The following KIAA1328 variants were observed in gnomAD, a reference collection of about 807,000 sequenced individuals.
KIAA1328 encodes KIAA1328.
A neutral mutation model predicts 68.1 loss-of-function variants in KIAA1328; 52 were observed. That is an observed-to-expected ratio of 0.76 (90% CI 0.61 to 0.96). KIAA1328 has a LOEUF of 0.96. Ranked by LOEUF, KIAA1328 falls within the 40% of genes least tolerant of loss-of-function variation. The pLI, the probability that KIAA1328 is intolerant of heterozygous loss-of-function variation, is 0.00. For synonymous variants in KIAA1328, 232 were observed against 239.4 expected, an observed-to-expected ratio of 0.97 and a Z score of 0.28; for missense variants, 641 against 677.6, an observed-to-expected ratio of 0.95 and a Z score of 0.60.
chr18:37,029,679 G>C (rs1568312990), intron 6 of KIAA1328, among the ~76,000 whole-genome samples: 1 of 152,178 alleles, frequency 6.6e-6, no homozygotes, highest in African/African-American at 2.4e-5. Context: ...ATATTAATCT[G>C]TAGTTCTGTT....
At chr18:37,059,833 T>A (rs565921135) in intron 6 of KIAA1328, among the ~76,000 whole-genome samples, 5 of 152,134 alleles carry the variant, frequency 3.3e-5, no homozygotes, top group Non-Finnish European at 7.3e-5. Context: ...ATGTGGCACA[T>A]ATACACCATG....
chr18:36,956,313 C>G (rs911848719), intron 5 of KIAA1328, among the ~76,000 whole-genome samples: 2 of 152,190 alleles, frequency 1.3e-5, no homozygotes, highest in African/African-American at 4.8e-5. Context: ...GTTAGGCAGA[C>G]TACAGTGTCT....
At chr18:37,032,589 A>G (rs1360066000) in intron 6 of KIAA1328, among the ~76,000 whole-genome samples, 1 of 150,646 alleles carries the variant, frequency 6.6e-6, no homozygotes, top group African/African-American at 2.4e-5. Flanking sequence ...TTTTGCTTCT[A>G]TTCATCACTT....
At chr18:36,892,141 A>G (rs777823834) in intron 5 of KIAA1328, among the ~76,000 whole-genome samples, 1 of 152,022 alleles carries the variant, frequency 6.6e-6, no homozygotes, top group Admixed American at 6.6e-5. Flanking sequence ...TAGACTTTTA[A>G]CAAGGATAGG....
chr18:36,861,186 AC>A (rs2150888089), intron 4 of KIAA1328, among the ~76,000 whole-genome samples: 1 of 152,184 alleles, frequency 6.6e-6, no homozygotes, highest in East Asian at 1.9e-4. Flanking sequence ...AAGTCTTGAC[AC>A]TTTTGAAGAG....
intron 4 of KIAA1328, among the ~76,000 whole-genome samples, chr18:36,881,975 T>C (rs1204269276): frequency 6.6e-6 from 1 of 152,202 alleles, no homozygotes; most frequent in African/African-American, 2.4e-5. Context: ...GTAGAATTGC[T>C]GGGTTGTATG....
chr18:36,863,941 C>T (rs1395731496), intron 4 of KIAA1328, among the ~76,000 whole-genome samples: 1 of 152,122 alleles, frequency 6.6e-6, no homozygotes, highest in Non-Finnish European at 1.5e-5. Context: ...TGTAGACTAT[C>T]ATGTCATTTG....
chr18:36,858,001 A>G (rs2047438063), intron 4 of KIAA1328, among the ~76,000 whole-genome samples: 1 of 152,128 alleles, frequency 6.6e-6, no homozygotes, highest in South Asian at 2.1e-4. Context: ...ATGGTTGCCA[A>G]TTAAGTCAAG....
At chr18:36,869,699 A>T (rs1278844417) in intron 4 of KIAA1328, among the ~76,000 whole-genome samples, 1 of 152,200 alleles carries the variant, frequency 6.6e-6, no homozygotes, top group African/African-American at 2.4e-5. Flanking sequence ...ACCTGAAATG[A>T]ACAGAAGAAA....
chr18:37,140,436 C>T (rs1437854070), intron 7 of KIAA1328, among the ~76,000 whole-genome samples: 3 of 151,946 alleles, frequency 2.0e-5, no homozygotes, highest in African/African-American at 7.3e-5. Flanking sequence ...TTAAAATTTG[C>T]CATTAAAGCT....
intron 9 of KIAA1328, among the ~76,000 whole-genome samples, chr18:37,219,593 T>C (rs2060517009): frequency 6.6e-6 from 1 of 152,200 alleles, no homozygotes; most frequent in Admixed American, 6.5e-5. Context: ...ACTGCTGCAC[T>C]AACAGTGAGC....
intron 4 of KIAA1328, among the ~76,000 whole-genome samples, chr18:36,876,928 T>C (rs1406923261): frequency 6.6e-6 from 1 of 152,242 alleles, no homozygotes; most frequent in Non-Finnish European, 1.5e-5. Context: ...TTCATTTTGT[T>C]ATTTACCCAG....
Position 36,931,591 on chromosome 18 carries a change from A to G in KIAA1328, c.449-27717A>G, listed in dbSNP as rs897532892. ...AGGTATCTTGACCTTTTTCTCTGCAAGTAGTGAGAGAACTTATATTTCTAG... is the reference window on the plus strand; with the variant it reads ...AGGTATCTTGACCTTTTTCTCTGCAGGTAGTGAGAGAACTTATATTTCTAG... On this transcript the variant is annotated intron_variant, in intron 5 of 9. Coordinates refer to ENST00000280020, the MANE Select transcript of KIAA1328 (RefSeq NM_020776.3). 5.9e-5 allele frequency among the ~76,000 whole-genome samples: 9 copies of G among 152,088 alleles called. No homozygotes were observed. In the East Asian group the frequency reaches 1.7e-3, roughly 29 times the overall value.
At chr18:36,943,016 A>T (rs1166949890) in intron 5 of KIAA1328, among the ~76,000 whole-genome samples, 1 of 152,198 alleles carries the variant, frequency 6.6e-6, no homozygotes, top group Admixed American at 6.5e-5. Flanking sequence ...TGTTATGCAG[A>T]CTGCTCCCTG....
chr18:37,062,096 A>C (rs2056169584), intron 6 of KIAA1328, among the ~76,000 whole-genome samples: 1 of 152,226 alleles, frequency 6.6e-6, no homozygotes, highest in South Asian at 2.1e-4. Context: ...GCAACATGTT[A>C]GTGTAGAGTG....
At chr18:37,221,039 C>T (rs1381682868) in intron 9 of KIAA1328, among the ~76,000 whole-genome samples, 1 of 152,076 alleles carries the variant, frequency 6.6e-6, no homozygotes. Flanking sequence ...GTTGTCCAGG[C>T]TGGTCTTGAA....
intron 4 of KIAA1328, among the ~76,000 whole-genome samples, chr18:36,853,720 A>T: frequency 6.6e-6 from 1 of 151,888 alleles, no homozygotes; most frequent in Middle Eastern, 3.2e-3. Context: ...GTGCAATGGC[A>T]CAATCCTGGC....
chr18:37,041,182 T>C (rs1439745264), intron 6 of KIAA1328, among the ~76,000 whole-genome samples: 1 of 151,964 alleles, frequency 6.6e-6, no homozygotes, highest in Non-Finnish European at 1.5e-5. Flanking sequence ...TAAAGTTGTT[T>C]CTTTTTCAAT....
intron 4 of KIAA1328, among the ~76,000 whole-genome samples, chr18:36,854,445 C>A (rs797007975): frequency 2.0e-5 from 3 of 152,244 alleles, no homozygotes; most frequent in African/African-American, 7.2e-5. Context: ...AAATACAATA[C>A]TACTGACTCT....
Sources: gnomAD v4.1 joint callset for allele counts (sites outside exome capture counted in the v4.1 genomes callset) on GRCh38, gnomAD v4.1.1 for gene constraint, MANE v1.5 for transcripts, NCBI Gene and HGNC (gene_info 2026-07-23, HGNC 2026-07-21) for gene names.